Variants in AHCTF1 observed in about 807,000 individuals in gnomAD.
AHCTF1 encodes the protein AT-hook containing transcription factor 1.
Under a neutral mutation model 248.4 loss-of-function variants are expected in AHCTF1, and 24 were observed. That is an observed-to-expected ratio of 0.10 (90% confidence interval 0.07 to 0.14). AHCTF1 has a LOEUF of 0.14. Ranked by LOEUF, AHCTF1 falls within the 10% of genes least tolerant of loss-of-function variation. The pLI is 1.00. For missense variants in AHCTF1, 2,206 were observed against 2,636.2 expected, an observed-to-expected ratio of 0.84 and a Z score of 3.57; for synonymous variants, 786 against 929.8, an observed-to-expected ratio of 0.85 and a Z score of 2.81.
chr1:246,850,346 A>G lies in AHCTF1; in HGVS notation c.5660T>C (p.Ile1887Thr). 2 of 1,613,172 alleles carry G rather than the reference A, an allele frequency of 1.2e-6. No homozygotes were observed. Among genetic ancestry groups the G allele is most frequent in the East Asian group, 4.5e-5 (2 of 44,870 alleles). ...CGTACTAACTTTTAGATCATTTATA[A>G]TTTCAACACTTTCCTGATTTTCTAC... ...RSVENQESVEIINDLKVSTVT... is the reference protein window; with the variant it reads ...RSVENQESVETINDLKVSTVT... The change falls in exon 33 of 36, where the codon ATT becomes ACT. Residue 1887 changes from isoleucine (I) to threonine (T), a missense_variant. Physicochemically the swap from Ile to Thr is moderately conservative, Grantham distance 89. Coordinates refer to ENST00000648844, the MANE Select transcript of AHCTF1 (RefSeq NM_001323342.2).
intron 13 of AHCTF1, 42 bp from the exon 14 acceptor site, chr1:246,894,790 T>G (rs753352721): frequency 2.0e-6 from 3 of 1,533,102 alleles, no homozygotes; most frequent in Non-Finnish European, 2.7e-6. Context: ...AGATTATTAA[T>G]TACAAACAGA....
At chr1:246,853,367 CAG>C in intron 31 of AHCTF1, 68 bp from the exon 32 acceptor site, 1 of 1,348,586 alleles carries the variant, frequency 7.4e-7, no homozygotes, top group Non-Finnish European at 1.0e-6. Flanking sequence ...AGGAAGCAAA[CAG>C]AAAGGAAAAG....
intron 10 of AHCTF1, 87 bp downstream of exon 10, chr1:246,899,978 C>T (rs1305169362): frequency 2.3e-6 from 3 of 1,315,264 alleles, no homozygotes; most frequent in South Asian, 1.4e-5. Flanking sequence ...AAACAGATAA[C>T]ACTAAATGAA....
chr1:246,902,436 C>G (rs369212124), intron 8 of AHCTF1, 89 bp downstream of exon 8: 2 of 1,468,482 alleles, frequency 1.4e-6, no homozygotes, highest in Non-Finnish European at 1.8e-6. Context: ...ATTTTCTGAA[C>G]TGCCAGGAGT....
chr1:246,910,409 C>A (rs1194819655), intron 4 of AHCTF1, among the ~76,000 whole-genome samples: 1 of 152,082 alleles, frequency 6.6e-6, no homozygotes, highest in East Asian at 1.9e-4. Context: ...GTCTAGATAA[C>A]ACACTATACC....
At chr1:246,878,889 G>T (rs563144703) in intron 21 of AHCTF1, among the ~76,000 whole-genome samples, 18 of 152,140 alleles carry the variant, frequency 1.2e-4, no homozygotes, top group Non-Finnish European at 2.5e-4. Context: ...AAATTGCCTC[G>T]TGCTTCTCTT....
intron 1 of AHCTF1, among the ~76,000 whole-genome samples, chr1:246,925,126 T>C (rs12061420): frequency 0.026 from 4,032 of 152,304 alleles, 182 homozygotes; most frequent in African/African-American, 0.093. Context: ...TAACACATTT[T>C]TCCTACTAAA....
chr1:246,883,017 CA>C (rs893570434), intron 21 of AHCTF1, among the ~76,000 whole-genome samples: 2 of 152,182 alleles, frequency 1.3e-5, no homozygotes, highest in African/African-American at 4.8e-5. Flanking sequence ...ATCTTTGCTA[CA>C]ATAAGTGCTG....
chr1:246,846,335 AG>A (rs1660257487), intron 33 of AHCTF1, among the ~76,000 whole-genome samples: 1 of 152,048 alleles, frequency 6.6e-6, no homozygotes, highest in African/African-American at 2.4e-5. Flanking sequence ...CACAAGGGAC[AG>A]AAAGTATGGT....
chr1:246,925,006 T>G (rs1327422966), intron 1 of AHCTF1, among the ~76,000 whole-genome samples: 1 of 152,130 alleles, frequency 6.6e-6, no homozygotes, highest in East Asian at 1.9e-4. Context: ...CCAAAAAAAT[T>G]TTTAGAGAAA....
rs779602859 is a variant in AHCTF1 at position 246,862,044 on chromosome 1, G to A, written c.3650C>T (p.Pro1217Leu). Residue 1217 changes from proline to leucine, a missense_variant, in exon 28 of 36, where the codon CCA becomes CTA. This residue lies in a region of AHCTF1 where 955 missense variants were observed against 1,055.6 expected (regional missense o/e 0.90). Transcript: ENST00000648844. ...TCGTTGAGGAGACCTTCCAGGTGAT[G>A]GAGAGGGAGATGCTAAAGGTGTTGA... The part of the protein sequence containing the change: ...LRSTPLASPS[P>L]SPGRSPQRLK... The A allele has an allele frequency of 6.2e-7, 1 of 1,612,086 alleles. No homozygotes were observed. The highest frequency in any genetic ancestry group is 8.5e-7 in the Non-Finnish European group (1 of 1,178,252).
At position 246,843,776 on chromosome 1, in the gene AHCTF1, A is replaced by G; in HGVS notation, c.6525+19T>C. ...AGTATGTTTTAACAAACATACAAAT[A>G]AAATCATGCATTTCTTACCAGTTCA... On this transcript the variant is annotated intron_variant, in intron 34 of 35. Coordinates refer to ENST00000648844, the MANE Select transcript of AHCTF1 (RefSeq NM_001323342.2). 7.3e-7 allele frequency: 1 copy of G among 1,368,406 alleles called. No homozygotes were observed. The highest frequency in any genetic ancestry group is 2.7e-4 in the Middle Eastern group (1 of 3,642). 84.8% of individuals were successfully genotyped at this position (1,368,406 alleles called of 1,614,324 possible).
At chr1:246,902,311 G>A (rs979762951) in intron 8 of AHCTF1, among the ~76,000 whole-genome samples, 2 of 152,074 alleles carry the variant, frequency 1.3e-5, no homozygotes, top group Admixed American at 6.5e-5. Context: ...TAAAATAAAA[G>A]GGTCCTTCAT....
At chr1:246,877,658 C>T (rs1005495801) in intron 21 of AHCTF1, among the ~76,000 whole-genome samples, 2 of 152,078 alleles carry the variant, frequency 1.3e-5, no homozygotes, top group Non-Finnish European at 2.9e-5. Flanking sequence ...CAGTGGGAAG[C>T]GTGCGAAAGA....
chr1:246,867,891 A>AAC (rs1662107412), intron 24 of AHCTF1, 80 bp from the exon 25 acceptor site: 2 of 332,382 alleles, frequency 6.0e-6, no homozygotes, highest in African/African-American at 7.3e-5. Context: ...GAATGATTAC[A>AAC]CCCCCCCCCC....
At chr1:246,852,484 A>AT (rs200751034) in intron 32 of AHCTF1, among the ~76,000 whole-genome samples, 115 of 150,874 alleles carry the variant, frequency 7.6e-4, no homozygotes, top group Middle Eastern at 6.9e-3. Context: ...GTATAATAGA[A>AT]TTTTTTTTTT....
At chr1:246,859,153 C>T (rs1661334238) in intron 29 of AHCTF1, among the ~76,000 whole-genome samples, 1 of 152,152 alleles carries the variant, frequency 6.6e-6, no homozygotes, top group Non-Finnish European at 1.5e-5. Context: ...TAATAATGCC[C>T]ATGCTTACTA....
intron 1 of AHCTF1, among the ~76,000 whole-genome samples, chr1:246,923,420 AATAAATAAATAC>A (rs199987898): frequency 0.013 from 1,991 of 152,266 alleles, 41 homozygotes; most frequent in African/African-American, 0.044. Flanking sequence ...CCCAAAAATA[AATAAATAAATAC>A]ATAAATAAAT....
intron 1 of AHCTF1, among the ~76,000 whole-genome samples, chr1:246,920,151 A>C (rs1001896758): frequency 6.8e-6 from 1 of 146,762 alleles, no homozygotes; most frequent in Non-Finnish European, 1.5e-5. Flanking sequence ...GCAAAAAAAA[A>C]AAAAAAAAAA....
Sources: allele counts gnomAD v4.1 joint callset (sites outside exome capture counted in the v4.1 genomes callset), GRCh38; gene constraint gnomAD v4.1.1; regional missense constraint gnomAD v4.1.1; transcripts MANE v1.5; gene names NCBI Gene and HGNC (gene_info 2026-07-23, HGNC 2026-07-21).